The following HS3ST3B1 variants were observed in gnomAD, a reference collection of about 807,000 sequenced individuals.
HS3ST3B1 encodes the protein heparan sulfate glucosamine 3-O-sulfotransferase 3B1.
In HS3ST3B1, 13 loss-of-function variants were observed where a neutral mutation model predicts 21.3. That is an observed-to-expected ratio of 0.61 (90% CI 0.40 to 0.97). The LOEUF (loss-of-function observed/expected upper bound fraction) is 0.97, where lower values mean the gene tolerates loss of function less well. Among genes scored for constraint, HS3ST3B1 ranks in the 50% least tolerant of loss-of-function variants. The probability of loss-of-function intolerance (pLI) is 0.00; values close to 1 mark genes in which losing one functional copy is unlikely to be tolerated. For missense variants in HS3ST3B1, 459 were observed against 554.8 expected, an observed-to-expected ratio of 0.83 and a Z score of 1.73; for synonymous variants, 234 against 254.8, an observed-to-expected ratio of 0.92 and a Z score of 0.78.
At chr17:14,334,195 T>C (rs1185244561) in intron 1 of HS3ST3B1, among the ~76,000 whole-genome samples, 2 of 151,892 alleles carry the variant, frequency 1.3e-5, no homozygotes, top group African/African-American at 4.8e-5. Context: ...TGAGGCGTAG[T>C]TGAAAAGTTT....
intron 1 of HS3ST3B1, among the ~76,000 whole-genome samples, chr17:14,326,237 G>A (rs574073648): frequency 2.0e-5 from 3 of 152,352 alleles, no homozygotes; most frequent in African/African-American, 7.2e-5. Context: ...GATAGCTGGG[G>A]TGAAGCAGAG....
chr17:14,329,478 A>G (rs190492719), intron 1 of HS3ST3B1: 1 of 151,012 alleles, frequency 6.6e-6, no homozygotes, highest in Non-Finnish European at 1.5e-5. Context: ...AAGAAAGAAA[A>G]AGAAAGAAGA....
intron 1 of HS3ST3B1, among the ~76,000 whole-genome samples, chr17:14,324,380 G>T (rs576827623): frequency 5.0e-4 from 76 of 152,086 alleles, no homozygotes; most frequent in Admixed American, 1.2e-3. Context: ...CCTGTCAGTG[G>T]CTTTTCTTTC....
chr17:14,318,341 G>A (rs1240104560), intron 1 of HS3ST3B1, among the ~76,000 whole-genome samples: 1 of 152,128 alleles, frequency 6.6e-6, no homozygotes, highest in African/African-American at 2.4e-5. Context: ...CGCAGCGGGA[G>A]AGGGGATGAG....
intron 1 of HS3ST3B1, among the ~76,000 whole-genome samples, chr17:14,306,977 T>C (rs899791435): frequency 6.6e-6 from 1 of 152,238 alleles, no homozygotes; most frequent in Non-Finnish European, 1.5e-5. Context: ...AAATGGTTGA[T>C]TAATCTTTTA....
intron 1 of HS3ST3B1, chr17:14,328,513 G>T (rs1909886755): frequency 6.6e-6 from 1 of 152,166 alleles, no homozygotes; most frequent in Non-Finnish European, 1.5e-5. Flanking sequence ...TCCAATTAGA[G>T]TTTCCATTGA....
intron 1 of HS3ST3B1, among the ~76,000 whole-genome samples, chr17:14,313,297 C>T (rs993059457): frequency 5.9e-5 from 9 of 151,468 alleles, no homozygotes; most frequent in African/African-American, 1.9e-4. Context: ...CTGATCTGGC[C>T]CACCCCAACT....
intron 1 of HS3ST3B1, among the ~76,000 whole-genome samples, chr17:14,312,420 T>C (rs1597588508): frequency 6.6e-6 from 1 of 152,182 alleles, no homozygotes; most frequent in Non-Finnish European, 1.5e-5. Flanking sequence ...TGTTGTTTCT[T>C]TCCTCCCAAA....
intron 1 of HS3ST3B1, among the ~76,000 whole-genome samples, chr17:14,343,972 C>A (rs1910472350): frequency 6.6e-6 from 1 of 151,588 alleles, no homozygotes; most frequent in African/African-American, 2.4e-5. Context: ...TCTCAACTCA[C>A]TGCAACCTCT....
At chr17:14,311,803 G>A (rs955363764) in intron 1 of HS3ST3B1, among the ~76,000 whole-genome samples, 1 of 152,048 alleles carries the variant, frequency 6.6e-6, no homozygotes, top group Admixed American at 6.6e-5. Context: ...GTAATCCCAG[G>A]TATGCATCAA....
intron 1 of HS3ST3B1, among the ~76,000 whole-genome samples, chr17:14,335,001 C>A (rs926885838): frequency 6.6e-6 from 1 of 152,084 alleles, no homozygotes; most frequent in Admixed American, 6.6e-5. Context: ...TTCTCTTTGT[C>A]ACATTTTTGA....
chr17:14,340,277 TC>T (rs1437744016), intron 1 of HS3ST3B1, among the ~76,000 whole-genome samples: 2 of 152,166 alleles, frequency 1.3e-5, no homozygotes, highest in South Asian at 2.1e-4. Context: ...CTTATCAGGT[TC>T]CTCAGCCTCC....
At chr17:14,322,394 G>A (rs1338571939) in intron 1 of HS3ST3B1, among the ~76,000 whole-genome samples, 2 of 152,132 alleles carry the variant, frequency 1.3e-5, no homozygotes, top group African/African-American at 2.4e-5. Context: ...GATCCTGAAC[G>A]TCTAGTCCTT....
chr17:14,329,315 G>GAA (rs1909908780), intron 1 of HS3ST3B1: 4 of 94,778 alleles, frequency 4.2e-5, no homozygotes, highest in South Asian at 4.1e-4. Context: ...GAGAGAAAGA[G>GAA]AGAAAGAAAG....
chr17:14,311,237 T>TA (rs5819469), intron 1 of HS3ST3B1, among the ~76,000 whole-genome samples: 7,834 of 130,692 alleles, frequency 0.06, 260 homozygotes, highest in South Asian at 0.12. Flanking sequence ...CCTGGCTAAT[T>TA]AAAAAAAAAA....
chr17:14,326,022 C>CGTGTGTGTGTGTGCACGCACGTGT (rs1428629735), intron 1 of HS3ST3B1, among the ~76,000 whole-genome samples: 5 of 150,296 alleles, frequency 3.3e-5, no homozygotes, highest in Non-Finnish European at 7.4e-5. Context: ...TGTGTGTGTA[C>CGTGTGTGTGTGTGCACGCACGTGT]GTGTGTGTGT....
chr17:14,324,925 G>A (rs1909761839), intron 1 of HS3ST3B1, among the ~76,000 whole-genome samples: 1 of 152,180 alleles, frequency 6.6e-6, no homozygotes, highest in Non-Finnish European at 1.5e-5. Flanking sequence ...TCTTAAAAAT[G>A]ATACATAAAG....
intron 1 of HS3ST3B1, among the ~76,000 whole-genome samples, chr17:14,326,007 G>C (rs1436233970): frequency 1.3e-5 from 2 of 150,820 alleles, no homozygotes; most frequent in Admixed American, 6.6e-5. Context: ...TGATGACTCT[G>C]TGTGTGTGTG....
intron 1 of HS3ST3B1, among the ~76,000 whole-genome samples, chr17:14,308,094 T>A (rs1179436269): frequency 6.6e-6 from 1 of 152,252 alleles, no homozygotes; most frequent in African/African-American, 2.4e-5. Context: ...ATTTAAAACA[T>A]TACCTTGTTG....
Sources: allele counts gnomAD v4.1 joint callset (sites outside exome capture counted in the v4.1 genomes callset), GRCh38; gene constraint gnomAD v4.1.1; transcripts MANE v1.5; gene names NCBI Gene and HGNC (gene_info 2026-07-23, HGNC 2026-07-21).